Variants in ZFAT observed in about 807,000 individuals in gnomAD.
ZFAT encodes zinc finger and AT-hook domain containing.
In ZFAT, 64 loss-of-function variants were observed where a neutral mutation model predicts 117.7. The observed-to-expected ratio is 0.54, with a 90% CI of 0.44 to 0.67. The LOEUF (loss-of-function observed/expected upper bound fraction) is 0.67, where lower values mean the gene tolerates loss of function less well. Ranked by LOEUF, ZFAT falls within the 30% of genes least tolerant of loss-of-function variation. ZFAT has a pLI of 0.00. For missense variants in ZFAT, 1,433 were observed against 1,584.5 expected (o/e 0.90, Z 1.62); for synonymous variants, 679 against 615.0 (o/e 1.10, Z -1.54).
At chr8:134,780,939 A>T in the ZFAT span, among the ~76,000 whole-genome samples, 1 of 152,188 alleles carries the variant, frequency 6.6e-6, no homozygotes, top group Non-Finnish European at 1.5e-5. Flanking sequence ...AATTACCCGC[A>T]TGAGTGTCAT....
chr8:134,764,207 ATCTT>A, the ZFAT span, among the ~76,000 whole-genome samples: 1 of 152,238 alleles, frequency 6.6e-6, no homozygotes, highest in Admixed American at 6.5e-5. Context: ...GTCCAGGTCA[ATCTT>A]TCTTTTTCTT....
intron 7 of ZFAT, among the ~76,000 whole-genome samples, chr8:134,593,864 G>A (rs1420097704): frequency 6.6e-6 from 1 of 152,214 alleles, no homozygotes; most frequent in African/African-American, 2.4e-5. Flanking sequence ...CTGCAATGAG[G>A]AAGAGGTGTG....
chr8:134,664,814 T>C (rs1013357263), intron 1 of ZFAT, among the ~76,000 whole-genome samples: 2 of 152,246 alleles, frequency 1.3e-5, no homozygotes, highest in African/African-American at 4.8e-5. Flanking sequence ...GAAGATGCTA[T>C]AATTTGGATG....
intron 15 of ZFAT, among the ~76,000 whole-genome samples, chr8:134,495,041 A>C (rs116105093): frequency 1.4e-3 from 207 of 152,306 alleles, no homozygotes; most frequent in Middle Eastern, 0.01. Context: ...CCTGGTCTTA[A>C]GTCTCTCTCA....
intron 1 of ZFAT, among the ~76,000 whole-genome samples, chr8:134,678,887 T>A (rs577394668): frequency 2.6e-5 from 4 of 152,222 alleles, no homozygotes; most frequent in African/African-American, 9.6e-5. Flanking sequence ...GCTAGCCATA[T>A]GCAGAAAGCT....
At chr8:134,739,247 G>C in the ZFAT span, among the ~76,000 whole-genome samples, 1 of 152,068 alleles carries the variant, frequency 6.6e-6, no homozygotes, top group East Asian at 1.9e-4. Context: ...AAACAAAGCA[G>C]CAAGTATCTA....
intron 1 of ZFAT, among the ~76,000 whole-genome samples, chr8:134,666,217 G>A (rs1312219268): frequency 6.6e-6 from 1 of 152,160 alleles, no homozygotes; most frequent in African/African-American, 2.4e-5. Flanking sequence ...GTAATGAGGT[G>A]CACTTTTCTC....
chr8:134,505,866 T>C (rs974979829), intron 15 of ZFAT, among the ~76,000 whole-genome samples: 6 of 152,236 alleles, frequency 3.9e-5, no homozygotes, highest in African/African-American at 1.4e-4. Context: ...AAATTTGTGG[T>C]AATTTGTGGC....
intron 10 of ZFAT, among the ~76,000 whole-genome samples, chr8:134,580,047 T>C (rs1210721028): frequency 4.6e-5 from 7 of 150,988 alleles, no homozygotes; most frequent in Admixed American, 4.6e-4. Context: ...CAGGACAGGA[T>C]GCCGAGGCAG....
At chr8:134,760,284 A>C in the ZFAT span, among the ~76,000 whole-genome samples, 15 of 132,552 alleles carry the variant, frequency 1.1e-4, no homozygotes, top group Admixed American at 1.2e-3. Context: ...AAAAAAAAAA[A>C]AAAACAAACA....
the ZFAT span, among the ~76,000 whole-genome samples, chr8:134,791,528 T>C: frequency 6.6e-6 from 1 of 152,216 alleles, no homozygotes; most frequent in Non-Finnish European, 1.5e-5. Flanking sequence ...CTTTTGTGGT[T>C]AGCTGTGTGT....
chr8:134,756,440 A>G, the ZFAT span, among the ~76,000 whole-genome samples: 1 of 152,234 alleles, frequency 6.6e-6, no homozygotes, highest in East Asian at 1.9e-4. Flanking sequence ...GGGAACTGGG[A>G]CACAAACACA....
chr8:134,615,513 T>C (rs899252392), intron 3 of ZFAT, among the ~76,000 whole-genome samples: 2 of 152,066 alleles, frequency 1.3e-5, no homozygotes, highest in Non-Finnish European at 2.9e-5. Flanking sequence ...GAGAGTCAAA[T>C]CCCCACTACC....
At chr8:134,812,178 C>A in the ZFAT span, among the ~76,000 whole-genome samples, 2 of 151,968 alleles carry the variant, frequency 1.3e-5, no homozygotes, top group African/African-American at 4.8e-5. Flanking sequence ...AAATAAAATA[C>A]CTATCTTGGA....
At chr8:134,679,158 C>T (rs1299557452) in intron 1 of ZFAT, among the ~76,000 whole-genome samples, 3 of 151,950 alleles carry the variant, frequency 2.0e-5, no homozygotes, top group East Asian at 3.9e-4. Context: ...GGCAACCTAC[C>T]GAATAGGAGA....
At chr8:134,540,879 T>C (rs1043021759) in intron 11 of ZFAT, among the ~76,000 whole-genome samples, 2 of 152,216 alleles carry the variant, frequency 1.3e-5, no homozygotes, top group Non-Finnish European at 2.9e-5. Flanking sequence ...GGCCTGTAGG[T>C]ATTTGTTCAT....
the ZFAT span, among the ~76,000 whole-genome samples, chr8:134,755,318 C>T: frequency 6.8e-6 from 1 of 146,380 alleles, no homozygotes; most frequent in Admixed American, 7.0e-5. Context: ...GAGGCTGAGG[C>T]AGGAGAAATG....
the ZFAT span, among the ~76,000 whole-genome samples, chr8:134,778,092 G>C: frequency 0.75 from 114,206 of 152,170 alleles, 43,167 homozygotes; most frequent in African/African-American, 0.84. Context: ...CATCCTGTAG[G>C]TGAAATTTCA....
rs753541906 is a variant in ZFAT, at chr8:134,712,718, C to CGCGGCCGGCGGCCG, written c.19+113_19+126dup. ...TCTCCTCCCCAGACCCGGATCCCTC[C>CGCGGCCGGCGGCCG]GCGGCCGGCGGCCGGCGGCCGGCGG... On this transcript the variant is annotated intron_variant, in intron 1 of 15. Transcript: ENST00000377838. The CGCGGCCGGCGGCCG allele has an allele frequency of 3.5e-4, 288 of 825,010 alleles. 2 individuals carry two copies. Among genetic ancestry groups the CGCGGCCGGCGGCCG allele is most frequent in the East Asian group, 8.8e-4 (24 of 27,368 alleles). The allele number at this position is 825,010 out of a possible 1,614,324, so 51.1% of individuals were successfully genotyped here.
Sources: gnomAD v4.1 joint callset for allele counts (sites outside exome capture counted in the v4.1 genomes callset) on GRCh38, gnomAD v4.1.1 for gene constraint, MANE v1.5 for transcripts, NCBI Gene and HGNC (gene_info 2026-07-23, HGNC 2026-07-21) for gene names.